CFAP61: variants seen among roughly 807,000 people sequenced by gnomAD.
The protein encoded by CFAP61 is cilia- and flagella-associated protein 61.
A neutral mutation model predicts 135.6 loss-of-function variants in CFAP61; 107 were observed. The observed-to-expected ratio is 0.79, with a 90% CI of 0.67 to 0.93. The LOEUF is 0.93. Among genes scored for constraint, CFAP61 ranks in the 40% least tolerant of loss-of-function variants. The pLI, the probability that CFAP61 is intolerant of heterozygous loss-of-function variation, is 0.00. For missense variants in CFAP61, 1,507 were observed against 1,556.2 expected (o/e 0.97, Z 0.53); for synonymous variants, 575 against 578.5 (o/e 0.99, Z 0.09).
chr20:20,339,551 C>T (rs996066940), intron 25 of CFAP61, among the ~76,000 whole-genome samples: 13 of 152,118 alleles, frequency 8.5e-5, no homozygotes, highest in Admixed American at 4.6e-4. Flanking sequence ...CTCACTGCAG[C>T]CTCGAACTCC....
chr20:20,158,544 A>G (rs1191517820), intron 9 of CFAP61, among the ~76,000 whole-genome samples: 1 of 152,232 alleles, frequency 6.6e-6, no homozygotes, highest in Non-Finnish European at 1.5e-5. Context: ...CATCCACACC[A>G]GGATACTATT....
intron 21 of CFAP61, among the ~76,000 whole-genome samples, chr20:20,271,170 G>A (rs1252092563): frequency 1.3e-5 from 2 of 151,962 alleles, no homozygotes; most frequent in East Asian, 1.9e-4. Flanking sequence ...GTGGCACGTG[G>A]CTGTAGTCCC....
Position 20,262,973 on chromosome 20 carries a change from G to A in CFAP61, c.2346G>A (p.Glu782=), listed in dbSNP as rs2052390382. ...TGCTTCAGGTCCCATGCCCTACAGA[G>A]GCTGATATTAGTCAACACCTGACAA... ...GQQYQVPCPT[E]ADISQHLTNR... Residue 782 remains glutamate (E), a synonymous_variant, in exon 21 of 27, where the codon GAG becomes GAA. Coordinates refer to ENST00000245957, the MANE Select transcript of CFAP61 (RefSeq NM_015585.4). 6.2e-7 allele frequency: 1 copy of A among 1,612,940 alleles called. No homozygotes were observed. Among genetic ancestry groups the A allele is most frequent in the Non-Finnish European group, 8.5e-7 (1 of 1,179,480 alleles).
Position 20,340,098 on chromosome 20 carries a change from T to C in CFAP61, c.3423-1733T>C, listed in dbSNP as rs1377730693. Among the ~76,000 whole-genome samples, 3 of 152,162 alleles carry C rather than the reference T, an allele frequency of 2.0e-5. No homozygotes were observed. The East Asian group carries it at 5.8e-4, about 29-fold the overall frequency. On this transcript the variant is annotated intron_variant, in intron 25 of 26. Transcript: ENST00000245957. ...ACCATGCAGGTCTCTGCCAGGAGCT[T>C]GGGCCCCGAGGCCCAGCCCTGGGCC...
chr20:20,308,421 G>A (rs2056605974), intron 25 of CFAP61, among the ~76,000 whole-genome samples: 2 of 150,746 alleles, frequency 1.3e-5, no homozygotes, highest in Non-Finnish European at 3.0e-5. Context: ...ATGTGCCAAA[G>A]GTGTACAGAT....
intron 8 of CFAP61, among the ~76,000 whole-genome samples, chr20:20,122,148 TTTG>T (rs150838690): frequency 2.7e-5 from 4 of 149,928 alleles, no homozygotes; most frequent in Admixed American, 1.3e-4. Flanking sequence ...GTCATTCTTT[TTTG>T]TTGTTGTTGT....
At chr20:20,258,734 G>A (rs1392072098) in intron 20 of CFAP61, among the ~76,000 whole-genome samples, 1 of 152,214 alleles carries the variant, frequency 6.6e-6, no homozygotes, top group Non-Finnish European at 1.5e-5. Context: ...GGAGCCTGCT[G>A]CCAGGCAGCC....
intron 8 of CFAP61, among the ~76,000 whole-genome samples, chr20:20,131,198 A>T: frequency 6.6e-6 from 1 of 151,660 alleles, no homozygotes; most frequent in East Asian, 1.9e-4. Context: ...GCTGGTAATA[A>T]CCTGGGTGCT....
At chr20:20,181,591 G>A (rs114734204) in intron 13 of CFAP61, among the ~76,000 whole-genome samples, 320 of 152,058 alleles carry the variant, frequency 2.1e-3, no homozygotes, top group African/African-American at 7.4e-3. Flanking sequence ...TAATAGATTC[G>A]GGCATTCAAG....
At chr20:20,278,374 C>G (rs1034349792) in intron 22 of CFAP61, among the ~76,000 whole-genome samples, 4 of 152,176 alleles carry the variant, frequency 2.6e-5, no homozygotes, top group Admixed American at 1.3e-4. Context: ...TGACACCCCA[C>G]CTTCCAGCCT....
rs1569258876 is a variant in CFAP61, at chr20:20,296,071, T to G, written c.3217-2110T>G. Among the ~76,000 whole-genome samples the G allele has an allele frequency of 5.0e-4, 15 of 30,236 alleles. 1 individual carries two copies. The highest frequency in any genetic ancestry group is 9.0e-4 in the Non-Finnish European group (12 of 13,284). The allele number at this position is 30,236 out of a possible 152,430, so 19.8% of individuals were successfully genotyped here. A position where few individuals can be genotyped will look rare whatever the true frequency, so the allele number is the denominator to read the frequency against. ...CCTTCCTTCCCTTCCTTCCCTTCCT[T>G]CCCTCCTTTTCTTCCTTCTTTCCTT... is the stretch of plus-strand genomic sequence containing the variant. On this transcript the variant is annotated intron_variant, in intron 24 of 26. Transcript: ENST00000245957.
chr20:20,122,201 T>C (rs1462541535), intron 8 of CFAP61, among the ~76,000 whole-genome samples: 5 of 151,996 alleles, frequency 3.3e-5, no homozygotes, highest in African/African-American at 1.2e-4. Context: ...TCACCCAGGC[T>C]GGAGCGCAGT....
intron 20 of CFAP61, among the ~76,000 whole-genome samples, chr20:20,257,628 CA>C (rs79177514): frequency 0.081 from 2,967 of 36,792 alleles, 106 homozygotes; most frequent in African/African-American, 0.21. Context: ...AACAAAAAAA[CA>C]AAAAAAAAAA....
At chr20:20,310,839 T>C (rs2056781564) in intron 25 of CFAP61, among the ~76,000 whole-genome samples, 1 of 152,226 alleles carries the variant, frequency 6.6e-6, no homozygotes, top group South Asian at 2.1e-4. Context: ...ACAGCCAGGC[T>C]TGCCAGCAAA....
At chr20:20,157,811 A>G (rs764861169) in intron 9 of CFAP61, among the ~76,000 whole-genome samples, 1 of 152,224 alleles carries the variant, frequency 6.6e-6, no homozygotes, top group Non-Finnish European at 1.5e-5. Flanking sequence ...TTTGAAAAGT[A>G]CTTTAAGAGA....
At chr20:20,224,811 G>A (rs572580146) in intron 17 of CFAP61, among the ~76,000 whole-genome samples, 2 of 152,178 alleles carry the variant, frequency 1.3e-5, no homozygotes, top group Admixed American at 6.5e-5. Context: ...TATTATTCTT[G>A]GTATGGTAGG....
intron 16 of CFAP61, among the ~76,000 whole-genome samples, chr20:20,197,506 C>A (rs1011233543): frequency 6.6e-6 from 1 of 152,040 alleles, no homozygotes. Context: ...AAGCTGTATC[C>A]CCATTGCCTA....
rs1170991887 is a variant in CFAP61, at chr20:20,265,499, GT to G, written c.2503+2375del. The G allele has an allele frequency of 6.7e-5, 52 of 779,512 alleles. No individual in the cohort carries two copies. In the Middle Eastern group the frequency reaches 9.0e-4, roughly 13 times the overall value. 48.3% of individuals were successfully genotyped at this position (779,512 alleles called of 1,614,324 possible). ...CTGTGGTGCCCCCTTAAAGGGAAAT[GT>G]TTTTTCAAGATTTAAGACTGACTCC... On this transcript the variant is annotated intron_variant, in intron 21 of 26. Transcript: ENST00000245957.
chr20:20,121,251 A>G (rs1297357274), intron 8 of CFAP61, among the ~76,000 whole-genome samples: 1 of 151,042 alleles, frequency 6.6e-6, no homozygotes. Context: ...GACTACAGGC[A>G]CATGCCACTG....
Sources: gnomAD v4.1 joint callset for allele counts (sites outside exome capture counted in the v4.1 genomes callset) on GRCh38, gnomAD v4.1.1 for gene constraint, MANE v1.5 for transcripts, NCBI Gene and HGNC (gene_info 2026-07-23, HGNC 2026-07-21) for gene names.